IQSEC1: variants seen among roughly 807,000 people sequenced by gnomAD.
The protein encoded by IQSEC1 is IQ motif and SEC7 domain-containing protein 1.
Under a neutral mutation model 91.0 loss-of-function variants are expected in IQSEC1, and 31 were observed. The observed-to-expected ratio is 0.34, with a 90% CI of 0.26 to 0.46. The LOEUF is 0.46. IQSEC1 is among the 20% of genes least tolerant of loss of function. The pLI is 1.00. For synonymous variants in IQSEC1, 699 were observed against 662.6 expected, an observed-to-expected ratio of 1.05 and a Z score of -0.84; for missense variants, 1,388 against 1,575.6, an observed-to-expected ratio of 0.88 and a Z score of 2.02.
At chr3:13,180,941 C>G (rs1478313727) in intron 1 of IQSEC1, among the ~76,000 whole-genome samples, 1 of 152,190 alleles carries the variant, frequency 6.6e-6, no homozygotes, top group African/African-American at 2.4e-5. Context: ...TTCTTGAAGT[C>G]AGTGAGACCA....
Position 12,924,711 on chromosome 3 carries a change from C to CG in IQSEC1, c.1599dup (p.Glu534ArgfsTer41). The CG allele has an allele frequency of 6.2e-7, 1 of 1,604,408 alleles. No individual in the cohort carries two copies. Among genetic ancestry groups the CG allele is most frequent in the Non-Finnish European group, 8.5e-7 (1 of 1,174,424 alleles). On this transcript the variant is annotated frameshift_variant, in exon 4 of 14. Coordinates refer to ENST00000613206, the MANE Select transcript of IQSEC1 (RefSeq NM_001134382.3). LOFTEE classifies it high-confidence loss of function. The surrounding 1 kb of genome is among the most constrained non-coding windows in gnomAD (Gnocchi z 6.3). ...GGCGTGTCGGGCACAAAGCCACGCTCGATGAGGTACTGGACTCCCTTCTCA... is the reference window on the plus strand; with the variant it reads ...GGCGTGTCGGGCACAAAGCCACGCTCGGATGAGGTACTGGACTCCCTTCTCA...
intron 1 of IQSEC1, among the ~76,000 whole-genome samples, chr3:13,057,158 T>A (rs1282045890): frequency 6.6e-6 from 1 of 152,188 alleles, no homozygotes; most frequent in Non-Finnish European, 1.5e-5. Context: ...TGCTCCTGCC[T>A]TCCCCAAGCA....
At chr3:13,187,210 G>T (rs181103832) in intron 1 of IQSEC1, among the ~76,000 whole-genome samples, 19 of 152,236 alleles carry the variant, frequency 1.2e-4, no homozygotes, top group Admixed American at 2.6e-4. Context: ...AAATGGAGAT[G>T]CACCAAGCCC....
At chr3:12,985,279 G>A (rs950034083) in intron 1 of IQSEC1, among the ~76,000 whole-genome samples, 8 of 152,148 alleles carry the variant, frequency 5.3e-5, no homozygotes, top group African/African-American at 1.4e-4. Flanking sequence ...CATACACGCT[G>A]GGCTCCCACA....
chr3:13,094,611 G>A (rs950601908), intron 2 of IQSEC1, among the ~76,000 whole-genome samples: 2 of 152,214 alleles, frequency 1.3e-5, no homozygotes, highest in Non-Finnish European at 2.9e-5. Flanking sequence ...GGATCAGCCT[G>A]TGAGACTGCT....
At chr3:12,912,234 G>A (rs1695630228) in intron 9 of IQSEC1, among the ~76,000 whole-genome samples, 1 of 152,238 alleles carries the variant, frequency 6.6e-6, no homozygotes, top group East Asian at 1.9e-4. Flanking sequence ...CTGGTCTACA[G>A]TAGGAAAGGA....
chr3:13,018,979 G>A (rs1046005624), intron 1 of IQSEC1, among the ~76,000 whole-genome samples: 3 of 152,190 alleles, frequency 2.0e-5, no homozygotes, highest in African/African-American at 7.2e-5. Flanking sequence ...AGAGGACAAG[G>A]AGGGGGTGCC....
chr3:12,903,662 C>T (rs951666456), intron 12 of IQSEC1, among the ~76,000 whole-genome samples: 1 of 152,182 alleles, frequency 6.6e-6, no homozygotes, highest in Non-Finnish European at 1.5e-5. Flanking sequence ...CCTGGCCCCG[C>T]CCAGCCTCCA....
At chr3:13,138,196 A>G (rs1405521389) in intron 2 of IQSEC1, among the ~76,000 whole-genome samples, 1 of 152,122 alleles carries the variant, frequency 6.6e-6, no homozygotes, top group Non-Finnish European at 1.5e-5. Flanking sequence ...ACTCTCTCTC[A>G]CAAGTACACA....
chr3:13,130,806 T>C (rs560523464), intron 2 of IQSEC1, among the ~76,000 whole-genome samples: 1 of 151,572 alleles, frequency 6.6e-6, no homozygotes, highest in African/African-American at 2.4e-5. Context: ...AATACAAAAA[T>C]TAGGCAGGCA....
intron 8 of IQSEC1, 107 bp from the exon 9 acceptor site, chr3:12,913,660 G>A: frequency 8.7e-7 from 1 of 1,147,938 alleles, no homozygotes; most frequent in Non-Finnish European, 1.2e-6. Context: ...CCGGCACGTG[G>A]GCCTTGAGTT....
chr3:12,942,891 C>T (rs1422065892), intron 1 of IQSEC1, among the ~76,000 whole-genome samples: 1 of 152,240 alleles, frequency 6.6e-6, no homozygotes, highest in African/African-American at 2.4e-5. Context: ...AGAAGACCAC[C>T]TGCAGGCCAA....
intron 2 of IQSEC1, among the ~76,000 whole-genome samples, chr3:13,092,727 C>T (rs1367570019): frequency 6.6e-6 from 1 of 152,172 alleles, no homozygotes; most frequent in Non-Finnish European, 1.5e-5. Context: ...CTGATGGTGG[C>T]CTCTTCGCGT....
intron 1 of IQSEC1, among the ~76,000 whole-genome samples, chr3:13,201,937 G>A (rs1233057994): frequency 6.6e-6 from 1 of 152,206 alleles, no homozygotes; most frequent in Non-Finnish European, 1.5e-5. Flanking sequence ...GGACAAATGG[G>A]AAAATAATGT....
intron 1 of IQSEC1, among the ~76,000 whole-genome samples, chr3:13,023,644 T>G (rs78945994): frequency 0.057 from 8,645 of 152,248 alleles, 325 homozygotes; most frequent in East Asian, 0.15. Context: ...CCCCGGCCTG[T>G]GCAGAATGGG....
At chr3:13,004,101 T>C (rs1312883285) in intron 1 of IQSEC1, among the ~76,000 whole-genome samples, 1 of 152,224 alleles carries the variant, frequency 6.6e-6, no homozygotes, top group Non-Finnish European at 1.5e-5. Context: ...AAAATTATTG[T>C]TGGGACCTTG....
intron 6 of IQSEC1, among the ~76,000 whole-genome samples, chr3:12,916,021 C>G (rs1354431585): frequency 1.3e-5 from 2 of 152,216 alleles, no homozygotes; most frequent in Non-Finnish European, 2.9e-5. Flanking sequence ...CTGCTCCATG[C>G]TAACCACAGC....
chr3:12,916,166 T>C (rs1429557755), intron 6 of IQSEC1, among the ~76,000 whole-genome samples: 7 of 152,216 alleles, frequency 4.6e-5, no homozygotes, highest in Non-Finnish European at 1.5e-5. Context: ...ACTTTCACCC[T>C]TACTAGCTGT....
intron 1 of IQSEC1, among the ~76,000 whole-genome samples, chr3:13,215,505 A>C (rs768802571): frequency 2.0e-5 from 3 of 152,204 alleles, no homozygotes; most frequent in Non-Finnish European, 4.4e-5. Context: ...AAGTCTGAAC[A>C]GCTTCACAAT....
Sources: gnomAD v4.1 joint callset for allele counts (sites outside exome capture counted in the v4.1 genomes callset) on GRCh38, gnomAD v4.1.1 for gene constraint, Gnocchi (gnomAD v3.1) non-coding constraint, MANE v1.5 for transcripts, NCBI Gene and HGNC (gene_info 2026-07-23, HGNC 2026-07-21) for gene names.